ZSCAN1: variants seen among roughly 807,000 people sequenced by gnomAD.
The protein encoded by ZSCAN1 is zinc finger and SCAN domain-containing protein 1.
ZSCAN1 carries 23 observed loss-of-function variants against 23.8 expected under a neutral mutation model. The observed-to-expected ratio is 0.97, with a 90% CI of 0.70 to 1.37. ZSCAN1 has a LOEUF of 1.37. ZSCAN1 is among the 40% of genes most tolerant of loss of function. The probability of loss-of-function intolerance (pLI) is 0.00; values close to 1 mark genes in which losing one functional copy is unlikely to be tolerated. For synonymous variants in ZSCAN1, 236 were observed against 232.3 expected (o/e 1.02, Z -0.15); for missense variants, 575 against 554.0 (o/e 1.04, Z -0.38).
chr19:58,045,718 C>A lies in ZSCAN1; in HGVS notation c.465+5174C>A. The stretch of plus-strand genomic sequence containing the variant: ...GGCGGCATGTCGGGCACGAGGCATG[C>A]GGGCCCTGGGCGTCAGGGAAAACCA... On this transcript the variant is annotated intron_variant, in intron 4 of 5. Coordinates refer to ENST00000282326, the MANE Select transcript of ZSCAN1 (RefSeq NM_182572.4). This position sits in a 1 kb window ranked among gnomAD's most constrained non-coding sequence, Gnocchi z 4.3. 9.4e-7 allele frequency: 1 copy of A among 1,060,574 alleles called. No homozygotes were observed. Among genetic ancestry groups the A allele is most frequent in the Non-Finnish European group, 1.5e-6 (1 of 678,938 alleles). The allele number at this position is 1,060,574 out of a possible 1,614,324, so 65.7% of individuals were successfully genotyped here. A position where few individuals can be genotyped will look rare whatever the true frequency, so the allele number is the denominator to read the frequency against.
Position 58,054,137 on chromosome 19 carries a change from C to A in ZSCAN1, c.*86C>A. The A allele has an allele frequency of 7.1e-7, 1 of 1,415,014 alleles. No individual in the cohort carries two copies. The highest frequency in any genetic ancestry group is 9.2e-7 in the Non-Finnish European group (1 of 1,082,218). The allele number at this position is 1,415,014 out of a possible 1,614,324, so 87.7% of individuals were successfully genotyped here. ...CAGAAGATGGGGGACATCCCCCAGCCCCACCAACCCCTGGCCACCTTGGGA... is the reference window on the plus strand; with the variant it reads ...CAGAAGATGGGGGACATCCCCCAGCACCACCAACCCCTGGCCACCTTGGGA... On this transcript the variant is annotated 3_prime_UTR_variant, in exon 6 of 6. Transcript: ENST00000282326. This position sits in a 1 kb window ranked among gnomAD's most constrained non-coding sequence, Gnocchi z 4.2.
chr19:58,046,775 C>T, intron 4 of ZSCAN1: 1 of 756,928 alleles, frequency 1.3e-6, no homozygotes, highest in Non-Finnish European at 2.4e-6. Context: ...GCTAGAGCCA[C>T]TGGCGTGGGC....
rs561062571 is a variant in ZSCAN1 at position 58,038,061 on chromosome 19, G to A, written c.225G>A (p.Glu75=). 1.6e-4 allele frequency: 261 copies of A among 1,611,964 alleles called. 3 individuals carry two copies. The South Asian group carries it at 2.7e-3, about 16-fold the overall frequency. Residue 75 remains glutamate, a synonymous_variant, in exon 3 of 6, where the codon GAG becomes GAA. Transcript: ENST00000282326. The part of the protein sequence containing the change: ...QWLRPEARSK[E]QMLELLVLEQ... ...TGAGGCCCGAGGCGCGCTCCAAGGAGCAGATGCTGGAGCTGCTGGTGCTGG... is the reference window on the plus strand; with the variant it reads ...TGAGGCCCGAGGCGCGCTCCAAGGAACAGATGCTGGAGCTGCTGGTGCTGG...
intron 4 of ZSCAN1, chr19:58,046,579 G>A (rs539322255): frequency 1.3e-5 from 11 of 839,406 alleles, no homozygotes; most frequent in Non-Finnish European, 1.9e-5. Flanking sequence ...CAGCCTGGCC[G>A]CAGCACTGAA....
At chr19:58,055,265 C>T (rs1438978700), downstream of ZSCAN1, among the ~76,000 whole-genome samples, 1 of 152,278 alleles carries the variant, frequency 6.6e-6, no homozygotes, top group East Asian at 1.9e-4. Context: ...CCACTCTCGG[C>T]CTCTGTCCCC....
rs922455817 is a variant in ZSCAN1, at chr19:58,047,028, G to A, written c.466-5462G>A. ...CGGCCTCCTGGCTCCAGAGGCGGCTGGGCCAAGGCAGGAAGGTGCCCCCCT... is the reference window on the plus strand; with the variant it reads ...CGGCCTCCTGGCTCCAGAGGCGGCTAGGCCAAGGCAGGAAGGTGCCCCCCT... On this transcript the variant is annotated intron_variant, in intron 4 of 5. Transcript: ENST00000282326. This position sits in a 1 kb window ranked among gnomAD's most constrained non-coding sequence, Gnocchi z 4.9. 1.3e-5 allele frequency among the ~76,000 whole-genome samples: 2 copies of A among 152,210 alleles called. No homozygotes were observed. Among genetic ancestry groups the A allele is most frequent in the Admixed American group, 6.5e-5 (1 of 15,278 alleles).
chr19:58,044,491 G>A, intron 4 of ZSCAN1: 1 of 399,474 alleles, frequency 2.5e-6, no homozygotes. Flanking sequence ...CACGGACGGC[G>A]CCTGAGGAGC....
chr19:58,051,553 C>T (rs552339896), intron 4 of ZSCAN1, among the ~76,000 whole-genome samples: 248 of 148,442 alleles, frequency 1.7e-3, no homozygotes, highest in African/African-American at 5.6e-3. Flanking sequence ...TGGACAGCTT[C>T]CTTAGGCCCC....
At chr19:58,051,950 C>T (rs1037684822) in intron 4 of ZSCAN1, among the ~76,000 whole-genome samples, 8 of 152,230 alleles carry the variant, frequency 5.3e-5, no homozygotes, top group Non-Finnish European at 1.0e-4. Context: ...CCGCTTTGGG[C>T]GGGACACGGT....
Position 58,053,787 on chromosome 19 carries a change from G to A in ZSCAN1, c.963G>A (p.Pro321=), listed in dbSNP as rs375333796. The A allele has an allele frequency of 7.2e-5, 117 of 1,613,960 alleles. No homozygotes were observed. The highest frequency in any genetic ancestry group is 1.6e-4 in the Middle Eastern group (1 of 6,084). Residue 321 remains proline, a synonymous_variant, in exon 6 of 6, where the codon CCG becomes CCA. Coordinates refer to ENST00000282326, the MANE Select transcript of ZSCAN1 (RefSeq NM_182572.4). The surrounding 1 kb of genome is among the most constrained non-coding windows in gnomAD (Gnocchi z 5.8). ...CCCATCGCGAGGAAGGGCCCTTTCC[G>A]TGCCCCGAGTGTGGCAAGGTCTTCC... ...QKTHREEGPF[P]CPECGKVFLH...
In ZSCAN1 at chr19:58,037,808, C is replaced by A. The variant is rs1192886711; in HGVS notation, c.-29C>A. 4 of 1,444,502 alleles carry A rather than the reference C, an allele frequency of 2.8e-6. No individual in the cohort carries two copies. Among genetic ancestry groups the A allele is most frequent in the Admixed American group, 2.6e-5 (1 of 38,044 alleles). The allele number at this position is 1,444,502 out of a possible 1,614,324, so 89.5% of individuals were successfully genotyped here. On this transcript the variant is annotated 5_prime_UTR_variant, in exon 3 of 6. Coordinates refer to ENST00000282326, the MANE Select transcript of ZSCAN1 (RefSeq NM_182572.4). ...GGACTCGGGATCCAGTCCACACACACCCCTCAGAGGGGCACTGTGGCCAGA... is the reference window on the plus strand; with the variant it reads ...GGACTCGGGATCCAGTCCACACACAACCCTCAGAGGGGCACTGTGGCCAGA...
Position 58,041,717 on chromosome 19 carries a change from T to TA in ZSCAN1, c.465+1182dup, listed in dbSNP as rs11330596. Among the ~76,000 whole-genome samples the TA allele has an allele frequency of 3.3e-5, 5 of 151,742 alleles. No homozygotes were observed. The East Asian group carries it at 7.8e-4, about 24-fold the overall frequency. On this transcript the variant is annotated intron_variant, in intron 4 of 5. Coordinates refer to ENST00000282326, the MANE Select transcript of ZSCAN1 (RefSeq NM_182572.4). ...GGCAACATGGCAAGACCCCATGTCT[T>TA]AAAAAAAAATGAGCCAGGTGTAGGG...
chr19:58,045,592 T>C lies in ZSCAN1; in HGVS notation c.465+5048T>C, dbSNP rs2073819891. ...CTGTGCAAGCTGCTGGAGCTACAGC[T>C]TCCTGCGCTTCCAGCTCACGATGCG... On this transcript the variant is annotated intron_variant, in intron 4 of 5. Coordinates refer to ENST00000282326, the MANE Select transcript of ZSCAN1 (RefSeq NM_182572.4). This position sits in a 1 kb window ranked among gnomAD's most constrained non-coding sequence, Gnocchi z 4.3. The C allele has an allele frequency of 5.7e-6, 6 of 1,046,302 alleles. No homozygotes were observed. Among genetic ancestry groups the C allele is most frequent in the Non-Finnish European group, 9.1e-6 (6 of 661,764 alleles). 64.8% of individuals were successfully genotyped at this position (1,046,302 alleles called of 1,614,324 possible). A position where few individuals can be genotyped will look rare whatever the true frequency, so the allele number is the denominator to read the frequency against.
rs1331782183 is a variant in ZSCAN1 at position 58,036,350 on chromosome 19, TTA to T, written c.-110+343_-110+344del. 8.5e-5 allele frequency among the ~76,000 whole-genome samples: 13 copies of T among 152,248 alleles called. No homozygotes were observed. In the East Asian group the frequency reaches 2.5e-3, roughly 29 times the overall value. Reference sequence around the variant, plus strand: ...TGCTTTCCAGAAAGGTCGTGCCAATTTATATTCTCACCAGCGGATCAGTCCAG... The same window carrying T: ...TGCTTTCCAGAAAGGTCGTGCCAATTTATTCTCACCAGCGGATCAGTCCAG... On this transcript the variant is annotated intron_variant, in intron 2 of 5. Transcript: ENST00000282326.
At chr19:58,042,686 C>G (rs901410130) in intron 4 of ZSCAN1, among the ~76,000 whole-genome samples, 21 of 152,298 alleles carry the variant, frequency 1.4e-4, no homozygotes, top group African/African-American at 4.8e-4. Context: ...CTTCCTCAGC[C>G]GCTGCCGGCA....
chr19:58,045,193 G>C lies in ZSCAN1; in HGVS notation c.465+4649G>C. The C allele has an allele frequency of 1.1e-6, 1 of 911,068 alleles. No homozygotes were observed. The highest frequency in any genetic ancestry group is 1.8e-6 in the Non-Finnish European group (1 of 540,820). The allele number at this position is 911,068 out of a possible 1,614,324, so 56.4% of individuals were successfully genotyped here. A position where few individuals can be genotyped will look rare whatever the true frequency, so the allele number is the denominator to read the frequency against. Reference sequence around the variant, plus strand: ...GCGCGCAGGCAGTTGCTCCGGTTCTGTGCCGACCTCTTCCGCCTGGTGCCG... The same window carrying C: ...GCGCGCAGGCAGTTGCTCCGGTTCTCTGCCGACCTCTTCCGCCTGGTGCCG... On this transcript the variant is annotated intron_variant, in intron 4 of 5. Coordinates refer to ENST00000282326, the MANE Select transcript of ZSCAN1 (RefSeq NM_182572.4). The surrounding 1 kb of genome is among the most constrained non-coding windows in gnomAD (Gnocchi z 4.3).
chr19:58,038,242 A>G lies in ZSCAN1; in HGVS notation c.370+36A>G, dbSNP rs771043399. 57 of 1,571,336 alleles carry G rather than the reference A, an allele frequency of 3.6e-5. 1 individual carries two copies. In the South Asian group the frequency reaches 5.9e-4, roughly 16 times the overall value. On this transcript the variant is annotated intron_variant, in intron 3 of 5. Transcript: ENST00000282326. ...CAGGCTTCCTGCCCCGGGCCGGGCC[A>G]GGGGGCCTGACGTCTCCGAGGACCG... is the stretch of plus-strand genomic sequence containing the variant.
intron 4 of ZSCAN1, chr19:58,044,511 G>A (rs1164727779): frequency 4.7e-6 from 2 of 425,530 alleles, no homozygotes; most frequent in South Asian, 3.1e-5. Flanking sequence ...CCACCGAGAC[G>A]GCGAAGAGCC....
At position 58,053,466 on chromosome 19, in the gene ZSCAN1, G is replaced by T. The variant is rs957357430; in HGVS notation, c.642G>T (p.Trp214Cys). 2 of 1,613,380 alleles carry T rather than the reference G, an allele frequency of 1.2e-6. No individual in the cohort carries two copies. Among genetic ancestry groups the T allele is most frequent in the Non-Finnish European group, 1.7e-6 (2 of 1,179,470 alleles). ...GCTTGCCTCTGAAGCCGAGTATCTGGGACGAGCCTGAGGACCTTCTCGCAG... is the reference window on the plus strand; with the variant it reads ...GCTTGCCTCTGAAGCCGAGTATCTGTGACGAGCCTGAGGACCTTCTCGCAG... ...RARLPLKPSIWDEPEDLLAGP... is the reference protein window; with the variant it reads ...RARLPLKPSICDEPEDLLAGP... The change falls in exon 6 of 6, where the codon TGG becomes TGT. Residue 214 changes from tryptophan (W) to cysteine (C), a missense_variant. Coordinates refer to ENST00000282326, the MANE Select transcript of ZSCAN1 (RefSeq NM_182572.4). This position sits in a 1 kb window ranked among gnomAD's most constrained non-coding sequence, Gnocchi z 5.8.
Sources: allele counts gnomAD v4.1 joint callset (sites outside exome capture counted in the v4.1 genomes callset), GRCh38; gene constraint gnomAD v4.1.1; non-coding constraint Gnocchi (gnomAD v3.1); transcripts MANE v1.5; gene names NCBI Gene and HGNC (gene_info 2026-07-23, HGNC 2026-07-21).